The following ACVR1C variants were observed in gnomAD, a reference collection of about 807,000 sequenced individuals.
ACVR1C encodes the protein activin A receptor type 1C.
ACVR1C carries 23 observed loss-of-function variants against 57.9 expected under a neutral mutation model. That is an observed-to-expected ratio of 0.40 (90% CI 0.29 to 0.56). The LOEUF is 0.56. ACVR1C is among the 20% of genes least tolerant of loss of function. ACVR1C has a pLI of 0.50. For missense variants in ACVR1C, 480 were observed against 607.9 expected, an observed-to-expected ratio of 0.79 and a Z score of 2.21; for synonymous variants, 214 against 215.3, an observed-to-expected ratio of 0.99 and a Z score of 0.05.
Position 157,530,968 on chromosome 2 carries a change from A to G in ACVR1C, c.*2950T>C, listed in dbSNP as rs1687338144. The G allele has an allele frequency of 6.6e-6, 1 of 152,098 alleles. No homozygotes were observed. The highest frequency in any genetic ancestry group is 1.5e-5 in the Non-Finnish European group (1 of 67,956). 9.4% of individuals were successfully genotyped at this position (152,098 alleles called of 1,614,324 possible). ...CCATCACCACTTTATACAGTACTGA[A>G]AATTCATAATAGTGTTTTCCCAAGT... On this transcript the variant is annotated 3_prime_UTR_variant, in exon 9 of 9. Transcript: ENST00000243349.
At position 157,560,045 on chromosome 2, in the gene ACVR1C, C is replaced by A. The variant is rs539482648; in HGVS notation, c.305-3713G>T. On this transcript the variant is annotated intron_variant, in intron 2 of 8. Transcript: ENST00000243349. ...TAATTTATCTTTGTGAGTTTTGCAA[C>A]TCTCCCTGGAGACCTGCGTGGACCT... Among the ~76,000 whole-genome samples the A allele has an allele frequency of 2.0e-5, 3 of 152,176 alleles. No individual in the cohort carries two copies. The South Asian group carries it at 6.2e-4, about 32-fold the overall frequency.
chr2:157,564,045 C>G (rs981413362), intron 2 of ACVR1C, among the ~76,000 whole-genome samples: 2 of 152,166 alleles, frequency 1.3e-5, no homozygotes, highest in East Asian at 3.8e-4. Context: ...CCATTCAGGA[C>G]ATAGGCATGG....
intron 2 of ACVR1C, 115 bp downstream of exon 2, chr2:157,587,072 A>T: frequency 2.0e-6 from 2 of 976,834 alleles, no homozygotes; most frequent in Non-Finnish European, 3.0e-6. Context: ...TCAAAAAGAG[A>T]ACTGTAAAAC....
At chr2:157,552,384 C>G (rs762921556) in intron 3 of ACVR1C, among the ~76,000 whole-genome samples, 1 of 152,202 alleles carries the variant, frequency 6.6e-6, no homozygotes, top group South Asian at 2.1e-4. Context: ...CCACCTGCCT[C>G]GGCCTCCCAA....
intron 1 of ACVR1C, among the ~76,000 whole-genome samples, chr2:157,616,062 T>C (rs1682642596): frequency 6.6e-6 from 1 of 152,212 alleles, no homozygotes; most frequent in Non-Finnish European, 1.5e-5. Flanking sequence ...TCTTTCATTA[T>C]ATCTGGAAAT....
intron 1 of ACVR1C, among the ~76,000 whole-genome samples, chr2:157,615,345 GC>G (rs1682621621): frequency 6.6e-6 from 1 of 150,750 alleles, no homozygotes. Flanking sequence ...ACAAAAAGTA[GC>G]CAGGTGTGGT....
rs1166673398 is a variant in ACVR1C at position 157,576,835 on chromosome 2, CTTTTTTTTTTT to C, written c.304+10341_304+10351del. Among the ~76,000 whole-genome samples, 16 of 41,716 alleles carry C rather than the reference CTTTTTTTTTTT, an allele frequency of 3.8e-4. 1 individual carries two copies. The highest frequency in any genetic ancestry group is 2.0e-3 in the African/African-American group (15 of 7,346). The allele number at this position is 41,716 out of a possible 152,430, so 27.4% of individuals were successfully genotyped here. ...AGAGCCTTTTGGGCTTTGAAATTTT[CTTTTTTTTTTT>C]TTTTTTTTTTTTTTTTTTTGAGACG... On this transcript the variant is annotated intron_variant, in intron 2 of 8. Coordinates refer to ENST00000243349, the MANE Select transcript of ACVR1C (RefSeq NM_145259.3).
rs1463016096 is a variant in ACVR1C, at chr2:157,583,516, C to T, written c.304+3671G>A. On this transcript the variant is annotated intron_variant, in intron 2 of 8. Transcript: ENST00000243349. Reference sequence around the variant, plus strand: ...CAGCGTGTGTTTTTGTAGAAATTGTCAAGTGGATTATAAAATTTAAATAAA... The same window carrying T: ...CAGCGTGTGTTTTTGTAGAAATTGTTAAGTGGATTATAAAATTTAAATAAA... Among the ~76,000 whole-genome samples the T allele has an allele frequency of 2.0e-5, 3 of 152,166 alleles. No individual in the cohort carries two copies. In the East Asian group the frequency reaches 5.8e-4, roughly 29 times the overall value.
rs1416829127 is a variant in ACVR1C, at chr2:157,603,238, T to C, written c.74-15821A>G. Among the ~76,000 whole-genome samples, 3 of 152,184 alleles carry C rather than the reference T, an allele frequency of 2.0e-5. No homozygotes were observed. The East Asian group carries it at 5.8e-4, about 29-fold the overall frequency. ...ACTTACCTGATCTCTGGGACATAAA[T>C]AAGACTAGCCTAGCTTGATGATCTT... On this transcript the variant is annotated intron_variant, in intron 1 of 8. Coordinates refer to ENST00000243349, the MANE Select transcript of ACVR1C (RefSeq NM_145259.3).
intron 2 of ACVR1C, among the ~76,000 whole-genome samples, chr2:157,586,826 T>C (rs535799666): frequency 2.8e-4 from 42 of 152,304 alleles, no homozygotes; most frequent in African/African-American, 9.9e-4. Context: ...CAGTATGTAT[T>C]TCAATGTCTT....
At chr2:157,562,305 A>AATATAT (rs1553482192) in intron 2 of ACVR1C, among the ~76,000 whole-genome samples, 1 of 134,780 alleles carries the variant, frequency 7.4e-6, no homozygotes, top group Non-Finnish European at 1.6e-5. Flanking sequence ...AAAAAAAAAA[A>AATATAT]ATATATATAT....
intron 1 of ACVR1C, among the ~76,000 whole-genome samples, chr2:157,599,117 G>A (rs1346941253): frequency 6.6e-6 from 1 of 151,698 alleles, no homozygotes; most frequent in Non-Finnish European, 1.5e-5. Context: ...GGCGGATCAC[G>A]AAGTCAGGAG....
chr2:157,564,798 C>T (rs1355857138), intron 2 of ACVR1C, among the ~76,000 whole-genome samples: 1 of 152,170 alleles, frequency 6.6e-6, no homozygotes. Flanking sequence ...AGATCATGTC[C>T]TTTGCAGGGA....
At chr2:157,566,529 C>T (rs991870868) in intron 2 of ACVR1C, among the ~76,000 whole-genome samples, 13 of 152,166 alleles carry the variant, frequency 8.5e-5, no homozygotes, top group African/African-American at 1.4e-4. Flanking sequence ...CGAAGCAGGG[C>T]GAGGCATTGC....
intron 2 of ACVR1C, among the ~76,000 whole-genome samples, chr2:157,562,305 A>AT (rs56764410): frequency 0.12 from 16,301 of 134,346 alleles, 1,142 homozygotes; most frequent in African/African-American, 0.15. Flanking sequence ...AAAAAAAAAA[A>AT]ATATATATAT....
chr2:157,554,283 G>GGAAGGAAGGA lies in ACVR1C; in HGVS notation c.544+1809_544+1810insTCCTTCCTTC, dbSNP rs1339528061. 1.6e-3 allele frequency among the ~76,000 whole-genome samples: 176 copies of GGAAGGAAGGA among 109,950 alleles called. 4 individuals carry two copies. Among genetic ancestry groups the GGAAGGAAGGA allele is most frequent in the African/African-American group, 7.4e-3 (162 of 21,772 alleles). 72.1% of individuals were successfully genotyped at this position (109,950 alleles called of 152,430 possible). A position where few individuals can be genotyped will look rare whatever the true frequency, so the allele number is the denominator to read the frequency against. On this transcript the variant is annotated intron_variant, in intron 3 of 8. Coordinates refer to ENST00000243349, the MANE Select transcript of ACVR1C (RefSeq NM_145259.3). ...AGAAAGAAAGAAAGGAAGGAAGGAA[G>GGAAGGAAGGA]AGAGAGAGAGAGAGAAAGAAAGAAA...
chr2:157,622,775 A>G (rs1682810392), intron 1 of ACVR1C, among the ~76,000 whole-genome samples: 1 of 152,184 alleles, frequency 6.6e-6, no homozygotes. Flanking sequence ...TCAAGTTAAA[A>G]AGATTCTGCA....
At chr2:157,554,205 A>AGAGAGAGAG (rs1558974811) in intron 3 of ACVR1C, among the ~76,000 whole-genome samples, 5 of 68,728 alleles carry the variant, frequency 7.3e-5, no homozygotes, top group African/African-American at 3.8e-4. Flanking sequence ...AGAAGAGAGA[A>AGAGAGAGAG]AGAAAGAAAG....
rs370751636 is a variant in ACVR1C at position 157,587,161 on chromosome 2, G to A, written c.304+26C>T. 176 of 1,552,878 alleles carry A rather than the reference G, an allele frequency of 1.1e-4. 1 individual carries two copies. The highest frequency in any genetic ancestry group is 6.1e-4 in the South Asian group (55 of 89,508). On this transcript the variant is annotated intron_variant, in intron 2 of 8. Transcript: ENST00000243349. ...GTTTCCCAAGAGTAAAATTAAATTC[G>A]GAATGAACAAAGATAAACCCCTTAC...
Sources: gnomAD v4.1 joint callset for allele counts (sites outside exome capture counted in the v4.1 genomes callset) on GRCh38, gnomAD v4.1.1 for gene constraint, MANE v1.5 for transcripts, NCBI Gene and HGNC (gene_info 2026-07-23, HGNC 2026-07-21) for gene names.